Variants in AKAP6 observed in about 807,000 individuals in gnomAD.
AKAP6 encodes A-kinase anchor protein 6.
In AKAP6, 58 loss-of-function variants were observed where a neutral mutation model predicts 188.5. That is an observed-to-expected ratio of 0.31 (90% CI 0.25 to 0.38). The LOEUF (loss-of-function observed/expected upper bound fraction) is 0.38, where lower values mean the gene tolerates loss of function less well. AKAP6 is among the 10% of genes least tolerant of loss of function. The pLI is 1.00. For synonymous variants in AKAP6, 989 were observed against 998.6 expected (o/e 0.99, Z 0.18); for missense variants, 2,710 against 2,740.0 (o/e 0.99, Z 0.24).
chr14:32,612,790 A>G (rs1886406509), intron 7 of AKAP6, among the ~76,000 whole-genome samples: 1 of 152,192 alleles, frequency 6.6e-6, no homozygotes, highest in Non-Finnish European at 1.5e-5. Context: ...GCTTCTTTGA[A>G]AAACATTAAA....
intron 2 of AKAP6, among the ~76,000 whole-genome samples, chr14:32,503,404 C>T (rs941407417): frequency 3.3e-5 from 5 of 151,868 alleles, no homozygotes; most frequent in African/African-American, 1.2e-4. Flanking sequence ...CATCTTTTTT[C>T]ATTACTATGC....
chr14:32,766,920 C>G (rs1012527990), intron 11 of AKAP6, among the ~76,000 whole-genome samples: 10 of 152,116 alleles, frequency 6.6e-5, no homozygotes, highest in African/African-American at 2.4e-4. Flanking sequence ...ATATTTTCTT[C>G]TAAGATTTTT....
intron 11 of AKAP6, among the ~76,000 whole-genome samples, chr14:32,745,487 CTCTCTCTCTG>C (rs1428920556): frequency 2.8e-4 from 33 of 117,506 alleles, no homozygotes; most frequent in Middle Eastern, 5.1e-3. Flanking sequence ...CTCTCTCTCT[CTCTCTCTCTG>C]TCTCTCTCTC....
chr14:32,405,981 T>G, intron 1 of AKAP6, among the ~76,000 whole-genome samples: 1 of 152,220 alleles, frequency 6.6e-6, no homozygotes, highest in East Asian at 1.9e-4. Context: ...AACTCAAGTT[T>G]CAGTTCTTCC....
chr14:32,401,254 T>G (rs1889082594), intron 1 of AKAP6, among the ~76,000 whole-genome samples: 1 of 152,048 alleles, frequency 6.6e-6, no homozygotes, highest in Admixed American at 6.6e-5. Context: ...AGATATTCCA[T>G]AAATAGAAAA....
chr14:32,503,909 TC>T (rs987098218), intron 2 of AKAP6, among the ~76,000 whole-genome samples: 1 of 151,772 alleles, frequency 6.6e-6, no homozygotes, highest in Non-Finnish European at 1.5e-5. Context: ...TTTCAACCCT[TC>T]CCCCCATAAA....
At chr14:32,519,840 G>A (rs1881725837) in intron 2 of AKAP6, among the ~76,000 whole-genome samples, 1 of 152,104 alleles carries the variant, frequency 6.6e-6, no homozygotes. Flanking sequence ...TCTGCACCAA[G>A]CAGACATAAT....
chr14:32,513,170 G>A (rs1019895479), intron 2 of AKAP6, among the ~76,000 whole-genome samples: 1 of 152,140 alleles, frequency 6.6e-6, no homozygotes, highest in Non-Finnish European at 1.5e-5. Flanking sequence ...CTCCTCCCTT[G>A]TGGGTTTATA....
intron 4 of AKAP6, among the ~76,000 whole-genome samples, chr14:32,554,573 G>T (rs2139185569): frequency 6.6e-6 from 1 of 152,264 alleles, no homozygotes; most frequent in African/African-American, 2.4e-5. Context: ...TCAAATGCCA[G>T]GGAATTTAGA....
Position 32,510,414 on chromosome 14 carries a change from GTATATATATACATATATATATGTGTATA to G in AKAP6, c.325-25131_325-25104del, listed in dbSNP as rs1566546550. Among the ~76,000 whole-genome samples, 74 of 112,320 alleles carry G rather than the reference GTATATATATACATATATATATGTGTATA, an allele frequency of 6.6e-4. 1 individual carries two copies. Among genetic ancestry groups the G allele is most frequent in the Non-Finnish European group, 8.4e-4 (48 of 57,052 alleles). The allele number at this position is 112,320 out of a possible 152,430, so 73.7% of individuals were successfully genotyped here. A position where few individuals can be genotyped will look rare whatever the true frequency, so the allele number is the denominator to read the frequency against. ...TATGTGTATATATATGTATATATAT[GTATATATATACATATATATATGTGTATA>G]TATATATACATATATATGTGTATAT... On this transcript the variant is annotated intron_variant, in intron 2 of 13. Coordinates refer to ENST00000280979, the MANE Select transcript of AKAP6 (RefSeq NM_004274.5).
rs773557169 is a variant in AKAP6, at chr14:32,511,721, G to C, written c.325-23833G>C. Among the ~76,000 whole-genome samples, 3 of 152,036 alleles carry C rather than the reference G, an allele frequency of 2.0e-5. No homozygotes were observed. In the South Asian group the frequency reaches 6.2e-4, roughly 32 times the overall value. On this transcript the variant is annotated intron_variant, in intron 2 of 13. Coordinates refer to ENST00000280979, the MANE Select transcript of AKAP6 (RefSeq NM_004274.5). Reference sequence around the variant, plus strand: ...CCATACCAGTTCTTTTTGTTCGGCCGTCTACTTTTGGCCACACATTTTTTC... The same window carrying C: ...CCATACCAGTTCTTTTTGTTCGGCCCTCTACTTTTGGCCACACATTTTTTC...
rs2034858746 is a variant in AKAP6, at chr14:32,834,884, C to T, written c.*5079C>T. 4 of 152,214 alleles carry T rather than the reference C, an allele frequency of 2.6e-5. No homozygotes were observed. The South Asian group carries it at 8.3e-4, about 32-fold the overall frequency. The allele number at this position is 152,214 out of a possible 1,614,324, so 9.4% of individuals were successfully genotyped here. On this transcript the variant is annotated 3_prime_UTR_variant, in exon 14 of 14. Coordinates refer to ENST00000280979, the MANE Select transcript of AKAP6 (RefSeq NM_004274.5). ...TGTGGCACGTGGGCCAAATTCAGCT[C>T]GTTGCCTGTTCTGGTTTGACCCATT...
chr14:32,490,253 C>T (rs1213898409), intron 2 of AKAP6, among the ~76,000 whole-genome samples: 1 of 151,864 alleles, frequency 6.6e-6, no homozygotes, highest in African/African-American at 2.4e-5. Context: ...ATGTGCAGGT[C>T]ACAGAGGATA....
rs2383347 is a variant in AKAP6 at position 32,568,315 on chromosome 14, G to T, written c.2347-8805G>T. ...ATTTAATAACCACTTAATAGCTATA[G>T]GACCTTAAATAAATTACATAACTTC... On this transcript the variant is annotated intron_variant, in intron 4 of 13. Coordinates refer to ENST00000280979, the MANE Select transcript of AKAP6 (RefSeq NM_004274.5). This position sits in a 1 kb window ranked among gnomAD's most constrained non-coding sequence, Gnocchi z 6.2. Among the ~76,000 whole-genome samples, 18,992 of 152,084 alleles carry T rather than the reference G, an allele frequency of 0.12. 1,342 individuals are homozygous for T. The highest frequency in any genetic ancestry group is 0.19 in the African/African-American group (7,674 of 41,470).
At chr14:32,384,964 T>A (rs1888481211) in intron 1 of AKAP6, 1 of 152,076 alleles carries the variant, frequency 6.6e-6, no homozygotes, top group Admixed American at 6.6e-5. Flanking sequence ...ATGGAATTAA[T>A]GGGGTTTTAT....
rs148395368 is a variant in AKAP6, at chr14:32,547,661, G to A, written c.2346+662G>A. Among the ~76,000 whole-genome samples, 738 of 152,116 alleles carry A rather than the reference G, an allele frequency of 4.9e-3. 4 individuals carry two copies. Among genetic ancestry groups the A allele is most frequent in the East Asian group, 0.013 (67 of 5,170 alleles). On this transcript the variant is annotated intron_variant, in intron 4 of 13. Transcript: ENST00000280979. ...ACTTATCAAAAATCTCAGGACCGAC[G>A]GCTTGGGCAATGTAGGGAGACCCCA...
intron 7 of AKAP6, among the ~76,000 whole-genome samples, chr14:32,637,055 C>T (rs1443288608): frequency 6.6e-6 from 1 of 152,016 alleles, no homozygotes; most frequent in African/African-American, 2.4e-5. Flanking sequence ...AAGTCCTTGG[C>T]CTAGCCTATC....
At chr14:32,441,350 G>A (rs1016542522) in intron 2 of AKAP6, among the ~76,000 whole-genome samples, 19 of 152,136 alleles carry the variant, frequency 1.2e-4, no homozygotes, top group African/African-American at 4.6e-4. Flanking sequence ...AATAAAAATG[G>A]TTGAAATAAG....
intron 1 of AKAP6, among the ~76,000 whole-genome samples, chr14:32,422,067 A>C (rs1281210704): frequency 6.6e-6 from 1 of 152,176 alleles, no homozygotes; most frequent in Non-Finnish European, 1.5e-5. Flanking sequence ...GGAAGCAACT[A>C]CCCAGCAACA....
Sources: gnomAD v4.1 joint callset for allele counts (sites outside exome capture counted in the v4.1 genomes callset) on GRCh38, gnomAD v4.1.1 for gene constraint, Gnocchi (gnomAD v3.1) non-coding constraint, MANE v1.5 for transcripts, NCBI Gene and HGNC (gene_info 2026-07-23, HGNC 2026-07-21) for gene names.